PPM1L: variants seen among roughly 807,000 people sequenced by gnomAD.
The protein encoded by PPM1L is protein phosphatase, Mg2+/Mn2+ dependent 1L.
In PPM1L, 13 loss-of-function variants were observed where a neutral mutation model predicts 31.4. The ratio of observed to expected loss-of-function variants is 0.41; its 90% CI spans 0.27 to 0.66. The LOEUF is 0.66. PPM1L is among the 30% of genes least tolerant of loss of function. The pLI, the probability that PPM1L is intolerant of heterozygous loss-of-function variation, is 0.29. For synonymous variants in PPM1L, 184 were observed against 175.4 expected, an observed-to-expected ratio of 1.05 and a Z score of -0.39; for missense variants, 326 against 453.7, an observed-to-expected ratio of 0.72 and a Z score of 2.56.
Position 161,065,574 on chromosome 3 carries a change from T to C in PPM1L, c.736+10T>C. 6.2e-7 allele frequency: 1 copy of C among 1,611,502 alleles called. No homozygotes were observed. Among genetic ancestry groups the C allele is most frequent in the Non-Finnish European group, 8.5e-7 (1 of 1,178,228 alleles). ...AGGATAAAGAGAGCAGGTGAGCTTGTGAACACCTCCAAGAAATGTCTGCTG... is the reference window on the plus strand; with the variant it reads ...AGGATAAAGAGAGCAGGTGAGCTTGCGAACACCTCCAAGAAATGTCTGCTG... On this transcript the variant is annotated intron_variant, in intron 3 of 3. Transcript: ENST00000498165.
chr3:160,976,179 T>A (rs1309504174), intron 2 of PPM1L, among the ~76,000 whole-genome samples: 2 of 111,622 alleles, frequency 1.8e-5, no homozygotes, highest in African/African-American at 7.4e-5. Context: ...ATTACATTTA[T>A]TGATTTGCAT....
At chr3:160,823,579 C>T (rs893682730) in intron 1 of PPM1L, among the ~76,000 whole-genome samples, 2 of 151,912 alleles carry the variant, frequency 1.3e-5, no homozygotes, top group Non-Finnish European at 2.9e-5. Context: ...TTTCATTTTT[C>T]ATTTTCCATA....
chr3:160,892,603 C>A (rs1576694986), intron 1 of PPM1L, among the ~76,000 whole-genome samples: 1 of 152,014 alleles, frequency 6.6e-6, no homozygotes, highest in East Asian at 1.9e-4. Context: ...TGCCTTCAAA[C>A]CAAACTATAC....
rs146553648 is a variant in PPM1L, at chr3:161,031,884, C to G, written c.575-33519C>G. Among the ~76,000 whole-genome samples the G allele has an allele frequency of 3.8e-3, 584 of 152,170 alleles. 5 individuals are homozygous for G. Among genetic ancestry groups the G allele is most frequent in the African/African-American group, 0.013 (556 of 41,506 alleles). On this transcript the variant is annotated intron_variant, in intron 2 of 3. Transcript: ENST00000498165. ...TAACTTACCCGCTAATGATGCTGTT[C>G]CCAAACAGCTTTCTATAAGGGCCAC...
intron 1 of PPM1L, among the ~76,000 whole-genome samples, chr3:160,956,532 C>T (rs1715781374): frequency 6.6e-6 from 1 of 152,224 alleles, no homozygotes; most frequent in African/African-American, 2.4e-5. Context: ...CGTGATTCCT[C>T]AAAGGGTCCC....
chr3:160,908,875 AGAG>A (rs1713855826), intron 1 of PPM1L, among the ~76,000 whole-genome samples: 1 of 152,158 alleles, frequency 6.6e-6, no homozygotes, highest in Non-Finnish European at 1.5e-5. Context: ...ATGGTAGAGG[AGAG>A]GAGAATTCAT....
At chr3:160,795,487 G>A (rs974634360) in intron 1 of PPM1L, among the ~76,000 whole-genome samples, 4 of 152,104 alleles carry the variant, frequency 2.6e-5, no homozygotes, top group Non-Finnish European at 2.9e-5. Flanking sequence ...GGTGAGAACC[G>A]CTGCCCTAGG....
chr3:160,996,054 G>T (rs990393480), intron 2 of PPM1L, among the ~76,000 whole-genome samples: 1 of 152,142 alleles, frequency 6.6e-6, no homozygotes, highest in South Asian at 2.1e-4. Flanking sequence ...AACATCAGTA[G>T]TGATCAGGGA....
At chr3:160,839,462 T>G (rs1713805795) in intron 1 of PPM1L, among the ~76,000 whole-genome samples, 1 of 151,988 alleles carries the variant, frequency 6.6e-6, no homozygotes, top group Non-Finnish European at 1.5e-5. Context: ...CCCACCACTC[T>G]TATGGTTTAT....
intron 2 of PPM1L, among the ~76,000 whole-genome samples, chr3:161,023,962 C>T (rs1718306623): frequency 6.6e-6 from 1 of 152,288 alleles, no homozygotes; most frequent in South Asian, 2.1e-4. Context: ...CTGTGGACAT[C>T]CATTTCCCAA....
chr3:160,776,028 A>C (rs1278003818), intron 1 of PPM1L, among the ~76,000 whole-genome samples: 1 of 151,900 alleles, frequency 6.6e-6, no homozygotes. Context: ...ATAGTGTGGG[A>C]ATACCTTAGA....
chr3:161,062,342 C>A (rs1251879391), intron 2 of PPM1L, among the ~76,000 whole-genome samples: 3 of 152,164 alleles, frequency 2.0e-5, no homozygotes, highest in Non-Finnish European at 4.4e-5. Flanking sequence ...GTGGCTCACA[C>A]CTGTAATCCC....
chr3:161,032,211 T>C (rs1358204449), intron 2 of PPM1L, among the ~76,000 whole-genome samples: 1 of 152,242 alleles, frequency 6.6e-6, no homozygotes, highest in Non-Finnish European at 1.5e-5. Flanking sequence ...ACCTTCATTC[T>C]ATTCTGTTAG....
intron 1 of PPM1L, among the ~76,000 whole-genome samples, chr3:160,780,006 T>C (rs989870349): frequency 1.3e-5 from 2 of 152,112 alleles, no homozygotes; most frequent in African/African-American, 4.8e-5. Flanking sequence ...TGGCACATAG[T>C]AGGCACTCAT....
chr3:160,946,711 T>C (rs1175470404), intron 1 of PPM1L, among the ~76,000 whole-genome samples: 2 of 152,150 alleles, frequency 1.3e-5, no homozygotes, highest in Non-Finnish European at 2.9e-5. Flanking sequence ...GGGGAGACCA[T>C]TGGGCTTCTT....
At chr3:160,980,087 A>T (rs1530635) in intron 2 of PPM1L, among the ~76,000 whole-genome samples, 128,691 of 151,926 alleles carry the variant, frequency 0.85, 54,847 homozygotes, top group Middle Eastern at 0.92. Flanking sequence ...AAAAATAAAA[A>T]TTCATCTGAA....
chr3:161,061,118 C>T (rs1183730548), intron 2 of PPM1L, among the ~76,000 whole-genome samples: 2 of 152,038 alleles, frequency 1.3e-5, no homozygotes, highest in Non-Finnish European at 1.5e-5. Context: ...ACTGCAAAGC[C>T]CAAACAGTAA....
Position 160,756,668 on chromosome 3 carries a change from C to G in PPM1L, c.360C>G (p.His120Gln). Residue 120 changes from histidine (H) to glutamine (Q), a missense_variant, in exon 1 of 4, where the codon CAC becomes CAG. By Grantham distance (24) the His-to-Gln change is conservative. Transcript: ENST00000498165. The surrounding 1 kb of genome is among the most constrained non-coding windows in gnomAD (Gnocchi z 6.2). ...EVLTDLANKT[H>Q]PSIFGIFDGH... ...TCACGGATCTGGCCAACAAGACGCA[C>G]CCGTCCATCTTCGGGATCTTCGACG... 4 of 1,614,072 alleles carry G rather than the reference C, an allele frequency of 2.5e-6. No individual in the cohort carries two copies. Among genetic ancestry groups the G allele is most frequent in the Non-Finnish European group, 3.4e-6 (4 of 1,180,014 alleles).
chr3:160,865,067 CCTGA>C (rs148009197), intron 1 of PPM1L, among the ~76,000 whole-genome samples: 15,106 of 152,000 alleles, frequency 0.099, 1,412 homozygotes, highest in African/African-American at 0.25. Context: ...TTATTTTTGT[CCTGA>C]CTGTTAATTC....
Sources: gnomAD v4.1 joint callset for allele counts (sites outside exome capture counted in the v4.1 genomes callset) on GRCh38, gnomAD v4.1.1 for gene constraint, Gnocchi (gnomAD v3.1) non-coding constraint, MANE v1.5 for transcripts, NCBI Gene and HGNC (gene_info 2026-07-23, HGNC 2026-07-21) for gene names.